Variants in SEMA3A observed in about 807,000 individuals in gnomAD.
The protein encoded by SEMA3A is semaphorin-3A.
A neutral mutation model predicts 97.9 loss-of-function variants in SEMA3A; 29 were observed. The ratio of observed to expected loss-of-function variants is 0.30; its 90% CI spans 0.22 to 0.40. The LOEUF (loss-of-function observed/expected upper bound fraction) is 0.40. Among genes scored for constraint, SEMA3A ranks in the 10% least tolerant of loss-of-function variants. SEMA3A has a pLI of 1.00. For synonymous variants in SEMA3A, 321 were observed against 323.7 expected (o/e 0.99, Z 0.09); for missense variants, 763 against 951.3 (o/e 0.80, Z 2.60).
chr7:83,985,827 T>G (rs1306472587), intron 12 of SEMA3A, among the ~76,000 whole-genome samples: 1 of 151,812 alleles, frequency 6.6e-6, no homozygotes, highest in Non-Finnish European at 1.5e-5. Flanking sequence ...TGGGGGAGGG[T>G]TCAAAGAAGT....
chr7:84,291,305 C>T (rs1800739190), intron 3 of SEMA3A, among the ~76,000 whole-genome samples: 1 of 151,938 alleles, frequency 6.6e-6, no homozygotes, highest in Non-Finnish European at 1.5e-5. Context: ...TATAGATTTG[C>T]ATTTCAAATT....
chr7:83,962,026 G>A (rs776968398), intron 16 of SEMA3A, among the ~76,000 whole-genome samples, 200 bp from the exon 17 acceptor site: 5 of 151,918 alleles, frequency 3.3e-5, no homozygotes, highest in Non-Finnish European at 7.4e-5. Flanking sequence ...AAGATGTATT[G>A]GAAAGTATTG....
At chr7:84,026,714 G>A (rs1255833944) in intron 6 of SEMA3A, among the ~76,000 whole-genome samples, 2 of 152,074 alleles carry the variant, frequency 1.3e-5, no homozygotes, top group South Asian at 2.1e-4. Context: ...GGATGGGGCC[G>A]GAGGCTCTTA....
At chr7:84,351,634 G>T (rs1052002713) in intron 2 of SEMA3A, among the ~76,000 whole-genome samples, 4 of 151,942 alleles carry the variant, frequency 2.6e-5, no homozygotes, top group African/African-American at 9.7e-5. Context: ...CAACATTACT[G>T]ATCATCAGAG....
At chr7:84,406,066 A>G (rs1804075753) in intron 1 of SEMA3A, among the ~76,000 whole-genome samples, 1 of 152,178 alleles carries the variant, frequency 6.6e-6, no homozygotes, top group Non-Finnish European at 1.5e-5. Context: ...AACTGAAGGA[A>G]ATAGAGACAC....
intron 1 of SEMA3A, among the ~76,000 whole-genome samples, chr7:84,172,310 A>T (rs1434430612): frequency 6.6e-6 from 1 of 152,192 alleles, no homozygotes; most frequent in African/African-American, 2.4e-5. Context: ...ATTGCCCTAC[A>T]TCTTTTATTG....
intron 1 of SEMA3A, among the ~76,000 whole-genome samples, chr7:84,446,271 A>G (rs1337835297): frequency 2.0e-5 from 3 of 152,208 alleles, no homozygotes; most frequent in Non-Finnish European, 4.4e-5. Context: ...TCTACCAAAT[A>G]TTTAAAGAAC....
intron 1 of SEMA3A, among the ~76,000 whole-genome samples, chr7:84,414,673 G>C: frequency 6.6e-6 from 1 of 151,888 alleles, no homozygotes; most frequent in East Asian, 1.9e-4. Flanking sequence ...CAGATGGTGG[G>C]ACATTCTATC....
chr7:84,129,138 A>G lies in SEMA3A; in HGVS notation c.318T>C (p.Ala106=), dbSNP rs372205768. ...SYTRRDECKW[A]GKDILKECAN... ...TAATGCTTACCAGGATGTCTTTTCC[A>G]GCCCACTTGCATTCATCTCTTCTGG... Residue 106 remains alanine (A), a synonymous_variant, in exon 3 of 17, where the codon GCT becomes GCC. Transcript: ENST00000265362. 6 of 1,612,330 alleles carry G rather than the reference A, an allele frequency of 3.7e-6. No individual in the cohort carries two copies. The African/African-American group carries it at 8.0e-5, about 22-fold the overall frequency.
At chr7:84,041,007 T>A (rs896933245) in intron 6 of SEMA3A, among the ~76,000 whole-genome samples, 20 of 152,064 alleles carry the variant, frequency 1.3e-4, no homozygotes, top group Non-Finnish European at 2.5e-4. Flanking sequence ...TCTGCCTATA[T>A]GCCACATCTG....
intron 1 of SEMA3A, among the ~76,000 whole-genome samples, chr7:84,386,071 C>T (rs999963199): frequency 2.0e-5 from 3 of 152,086 alleles, no homozygotes; most frequent in Non-Finnish European, 2.9e-5. Flanking sequence ...TTCCATTTTT[C>T]CAAAGTCACT....
At chr7:84,465,723 A>G (rs1046213516) in intron 1 of SEMA3A, among the ~76,000 whole-genome samples, 1 of 152,122 alleles carries the variant, frequency 6.6e-6, no homozygotes, top group Non-Finnish European at 1.5e-5. Flanking sequence ...CCTCATTTCA[A>G]TGTACATCCT....
chr7:84,089,919 T>C (rs1198018051), intron 4 of SEMA3A, among the ~76,000 whole-genome samples: 2 of 151,982 alleles, frequency 1.3e-5, no homozygotes, highest in Non-Finnish European at 2.9e-5. Flanking sequence ...AATAACTATA[T>C]AGAGACTAAA....
At position 84,271,780 on chromosome 7, in the gene SEMA3A, A is replaced by G. The variant is rs541981073; in HGVS notation, c.-83+35427T>C. Among the ~76,000 whole-genome samples the G allele has an allele frequency of 3.9e-5, 6 of 152,220 alleles. No homozygotes were observed. In the South Asian group the frequency reaches 1.2e-3, roughly 32 times the overall value. On this transcript the variant is annotated intron_variant, in intron 3 of 3. Transcript: ENST00000424555. ...GGCACAGATCTGTCAGCACTTTTCA[A>G]AGGTCATGCTCCACTGAAATCTAGT...
At chr7:84,388,381 G>T (rs887592875) in intron 1 of SEMA3A, among the ~76,000 whole-genome samples, 2 of 151,906 alleles carry the variant, frequency 1.3e-5, no homozygotes, top group Non-Finnish European at 2.9e-5. Context: ...AGAATTATAG[G>T]TTAATTCCTC....
chr7:84,428,035 GA>G (rs900477529), intron 1 of SEMA3A, among the ~76,000 whole-genome samples: 20 of 151,982 alleles, frequency 1.3e-4, no homozygotes, highest in African/African-American at 4.8e-4. Context: ...ATCCTGATAT[GA>G]AAAAAGTTCA....
At chr7:84,050,054 T>C (rs1040346870) in intron 5 of SEMA3A, among the ~76,000 whole-genome samples, 47 of 151,670 alleles carry the variant, frequency 3.1e-4, no homozygotes, top group Admixed American at 6.6e-5. Flanking sequence ...TCATCATTTT[T>C]TATGGCTGCA....
Position 84,308,824 on chromosome 7 carries a change from C to T in SEMA3A, c.-168-1532G>A, listed in dbSNP as rs200016809. On this transcript the variant is annotated intron_variant, in intron 2 of 3. Transcript: ENST00000424555. ...ATGAGAGAAATATCACTTTTTTTTTCTTTTTTTTTTGAGATGGAGTTTCAC... is the reference window on the plus strand; with the variant it reads ...ATGAGAGAAATATCACTTTTTTTTTTTTTTTTTTTTGAGATGGAGTTTCAC... 2.0e-4 allele frequency among the ~76,000 whole-genome samples: 29 copies of T among 144,976 alleles called. 1 individual carries two copies. The highest frequency in any genetic ancestry group is 4.1e-4 in the African/African-American group (16 of 39,106).
intron 2 of SEMA3A, among the ~76,000 whole-genome samples, chr7:84,347,947 T>A (rs1028742176): frequency 6.6e-6 from 1 of 152,100 alleles, no homozygotes; most frequent in African/African-American, 2.4e-5. Context: ...TCTAAACCCA[T>A]CAAAACTCAC....
Sources: gnomAD v4.1 joint callset for allele counts (sites outside exome capture counted in the v4.1 genomes callset) on GRCh38, gnomAD v4.1.1 for gene constraint, MANE v1.5 for transcripts, NCBI Gene and HGNC (gene_info 2026-07-23, HGNC 2026-07-21) for gene names.